KCNH8: variants seen among roughly 807,000 people sequenced by gnomAD.
The protein encoded by KCNH8 is voltage-gated delayed rectifier potassium channel KCNH8.
In KCNH8, 70 loss-of-function variants were observed where a neutral mutation model predicts 103.6. The observed-to-expected ratio is 0.68, with a 90% confidence interval of 0.56 to 0.82. The LOEUF (loss-of-function observed/expected upper bound fraction) is 0.82, where lower values mean the gene tolerates loss of function less well. Ranked by LOEUF, KCNH8 falls within the 40% of genes least tolerant of loss-of-function variation. The pLI, the probability that KCNH8 is intolerant of heterozygous loss-of-function variation, is 0.00. For synonymous variants in KCNH8, 498 were observed against 489.4 expected, an observed-to-expected ratio of 1.02 and a Z score of -0.23; for missense variants, 1,217 against 1,329.9, an observed-to-expected ratio of 0.92 and a Z score of 1.32.
intron 2 of KCNH8, among the ~76,000 whole-genome samples, chr3:19,260,110 C>T (rs1406639959): frequency 2.0e-5 from 3 of 151,026 alleles, no homozygotes; most frequent in African/African-American, 4.9e-5. Flanking sequence ...GTATTTTAGC[C>T]ATCAACATGT....
chr3:19,342,755 C>G (rs1221250733), intron 4 of KCNH8, 41 bp downstream of exon 4: 1 of 1,543,882 alleles, frequency 6.5e-7, no homozygotes, highest in South Asian at 1.2e-5. Flanking sequence ...TAGTGTTTCC[C>G]CTGGTGGCAA....
At chr3:19,339,100 T>C (rs1436197784) in intron 3 of KCNH8, among the ~76,000 whole-genome samples, 2 of 152,144 alleles carry the variant, frequency 1.3e-5, no homozygotes. Context: ...GAGGGTTCAA[T>C]TGTGACTAAA....
At chr3:19,373,202 G>A (rs1313566043) in intron 5 of KCNH8, among the ~76,000 whole-genome samples, 1 of 152,054 alleles carries the variant, frequency 6.6e-6, no homozygotes, top group Admixed American at 6.5e-5. Flanking sequence ...GCTCCTCCTT[G>A]TACCTCTGGT....
chr3:19,469,481 C>G (rs764929608), intron 11 of KCNH8, among the ~76,000 whole-genome samples: 3 of 152,032 alleles, frequency 2.0e-5, no homozygotes, highest in Non-Finnish European at 2.9e-5. Context: ...GCAGCATCAC[C>G]CGGGCTGGAA....
Position 19,456,791 on chromosome 3 carries a change from A to C in KCNH8, c.1849A>C (p.Asn617His). The C allele has an allele frequency of 6.2e-7, 1 of 1,610,324 alleles. No homozygotes were observed. Among genetic ancestry groups the C allele is most frequent in the Non-Finnish European group, 8.5e-7 (1 of 1,177,114 alleles). The part of the protein sequence containing the change: ...ILGKGDLIGA[N>H]LSIKDQVIKT... ...AGGGAAAGGGGATTTAATTGGAGCA[A>C]ATCTATCAATTAAGGACCAAGTGAT... Residue 617 changes from asparagine (N) to histidine (H), a missense_variant, in exon 11 of 16, where the codon AAT becomes CAT. Transcript: ENST00000328405.
chr3:19,307,668 A>G (rs932360245), intron 3 of KCNH8, among the ~76,000 whole-genome samples: 1 of 151,994 alleles, frequency 6.6e-6, no homozygotes, highest in Non-Finnish European at 1.5e-5. Flanking sequence ...AAACAGATGC[A>G]TGAATGAAGA....
At chr3:19,188,331 C>G (rs1048322969) in intron 1 of KCNH8, among the ~76,000 whole-genome samples, 2 of 151,944 alleles carry the variant, frequency 1.3e-5, no homozygotes, top group Non-Finnish European at 2.9e-5. Context: ...CTGTAAATTA[C>G]CAGAGAGTAA....
rs1375715096 is a variant in KCNH8 at position 19,170,804 on chromosome 3, A to ATTTT, written c.76+22010_76+22011insTTTT. 6.0e-3 allele frequency among the ~76,000 whole-genome samples: 622 copies of ATTTT among 103,296 alleles called. 50 individuals are homozygous for ATTTT. Among genetic ancestry groups the ATTTT allele is most frequent in the African/African-American group, 0.029 (578 of 20,030 alleles). The allele number at this position is 103,296 out of a possible 152,430, so 67.8% of individuals were successfully genotyped here. A position where few individuals can be genotyped will look rare whatever the true frequency, so the allele number is the denominator to read the frequency against. ...CACACACACACATATATATATATAT[A>ATTTT]TATATATTTTTTTTTTTTTTTTTGA... On this transcript the variant is annotated intron_variant, in intron 1 of 15. Coordinates refer to ENST00000328405, the MANE Select transcript of KCNH8 (RefSeq NM_144633.3).
chr3:19,474,941 T>C (rs558291616), intron 11 of KCNH8, among the ~76,000 whole-genome samples: 7 of 152,232 alleles, frequency 4.6e-5, no homozygotes, highest in East Asian at 1.9e-4. Flanking sequence ...AACAACGAAA[T>C]AGGATTCTAT....
chr3:19,494,630 C>A (rs1196876688), intron 11 of KCNH8, among the ~76,000 whole-genome samples: 2 of 152,144 alleles, frequency 1.3e-5, no homozygotes, highest in Non-Finnish European at 2.9e-5. Flanking sequence ...GACTCCATGT[C>A]TTTGCTATTG....
chr3:19,209,249 G>A (rs753831824), intron 1 of KCNH8, among the ~76,000 whole-genome samples: 8 of 151,956 alleles, frequency 5.3e-5, no homozygotes, highest in Non-Finnish European at 7.4e-5. Flanking sequence ...TACTTAAAAG[G>A]ATTCACAATG....
Position 19,510,393 on chromosome 3 carries a change from G to A in KCNH8, c.2071G>A (p.Val691Ile), listed in dbSNP as rs767562502. ...VISRLSNKSM[V>I]SQSEPKGNGN... ...ATCAAGACTATCAAACAAATCTATG[G>A]TCTCACAGGTATGGCTTTTGCTACA... The change falls in exon 12 of 16, where the codon GTC becomes ATC. Residue 691 changes from valine (V) to isoleucine (I), a missense_variant. Coordinates refer to ENST00000328405, the MANE Select transcript of KCNH8 (RefSeq NM_144633.3). The A allele has an allele frequency of 3.2e-6, 5 of 1,577,350 alleles. No individual in the cohort carries two copies. Among genetic ancestry groups the A allele is most frequent in the African/African-American group, 1.4e-5 (1 of 74,066 alleles).
At chr3:19,190,747 G>A (rs1176762226) in intron 1 of KCNH8, among the ~76,000 whole-genome samples, 1 of 151,882 alleles carries the variant, frequency 6.6e-6, no homozygotes, top group African/African-American at 2.4e-5. Flanking sequence ...TTCACAATGT[G>A]TAATGGATGG....
intron 11 of KCNH8, among the ~76,000 whole-genome samples, chr3:19,491,683 A>G (rs1051819428): frequency 6.6e-6 from 1 of 152,166 alleles, no homozygotes; most frequent in Admixed American, 6.5e-5. Flanking sequence ...GTAGTGATCT[A>G]TTTTCCTTTG....
chr3:19,486,958 C>G (rs1405367462), intron 11 of KCNH8, among the ~76,000 whole-genome samples: 1 of 152,198 alleles, frequency 6.6e-6, no homozygotes, highest in Non-Finnish European at 1.5e-5. Context: ...TGGACACTTT[C>G]TACCTACAGT....
At chr3:19,330,261 T>C (rs2065487710) in intron 3 of KCNH8, among the ~76,000 whole-genome samples, 1 of 152,166 alleles carries the variant, frequency 6.6e-6, no homozygotes, top group Non-Finnish European at 1.5e-5. Flanking sequence ...AGTTTCTCTA[T>C]TGATTTTTTC....
intron 3 of KCNH8, among the ~76,000 whole-genome samples, chr3:19,341,380 A>G (rs1575540481): frequency 6.6e-6 from 1 of 152,076 alleles, no homozygotes; most frequent in Non-Finnish European, 1.5e-5. Flanking sequence ...TCAGAGAGAC[A>G]GTTTAGCAAC....
intron 2 of KCNH8, among the ~76,000 whole-genome samples, chr3:19,258,840 C>T (rs1157280062): frequency 6.7e-6 from 1 of 150,020 alleles, no homozygotes; most frequent in Non-Finnish European, 1.5e-5. Flanking sequence ...TCTAGTTGGT[C>T]ATACCTGAGC....
intron 11 of KCNH8, among the ~76,000 whole-genome samples, chr3:19,467,267 C>T (rs2067758062): frequency 2.0e-5 from 3 of 151,212 alleles, no homozygotes; most frequent in Admixed American, 2.0e-4. Flanking sequence ...ATATAGTGGC[C>T]CTTGTCTCCT....
Sources: allele counts gnomAD v4.1 joint callset (sites outside exome capture counted in the v4.1 genomes callset), GRCh38; gene constraint gnomAD v4.1.1; transcripts MANE v1.5; gene names NCBI Gene and HGNC (gene_info 2026-07-23, HGNC 2026-07-21).